The following UGT2B11 variants were observed in gnomAD, a reference collection of about 807,000 sequenced individuals.
UGT2B11 encodes the protein UDP glucuronosyltransferase family 2 member B11.
In UGT2B11, 49 loss-of-function variants were observed where a neutral mutation model predicts 51.7. The ratio of observed to expected loss-of-function variants is 0.95; its 90% CI spans 0.75 to 1.20. UGT2B11 has a LOEUF of 1.20. UGT2B11 is among the 50% of genes most tolerant of loss of function. UGT2B11 has a pLI of 0.00. For missense variants in UGT2B11, 810 were observed against 622.1 expected (o/e 1.30, Z -3.21); for synonymous variants, 273 against 209.0 (o/e 1.31, Z -2.64).
At chr4:69,218,854 G>T (rs977720223), upstream of UGT2B11, among the ~76,000 whole-genome samples, 1 of 152,142 alleles carries the variant, frequency 6.6e-6, no homozygotes, top group Non-Finnish European at 1.5e-5. Context: ...CCTGGATTTT[G>T]TCTGCAGCTC....
At chr4:69,224,935 T>C in the UGT2B11 span, among the ~76,000 whole-genome samples, 1 of 152,082 alleles carries the variant, frequency 6.6e-6, no homozygotes, top group African/African-American at 2.4e-5. Flanking sequence ...AATTAACATG[T>C]CTTAGATCTT....
At chr4:69,224,984 T>G in the UGT2B11 span, among the ~76,000 whole-genome samples, 159 of 152,330 alleles carry the variant, frequency 1.0e-3, no homozygotes, top group African/African-American at 3.8e-3. Flanking sequence ...TTATCTACTT[T>G]ATAACCTGGC....
chr4:69,208,204 T>C (rs867491471), intron 3 of UGT2B11, 147 bp downstream of exon 3: 3 of 1,475,280 alleles, frequency 2.0e-6, no homozygotes, highest in Non-Finnish European at 2.7e-6. Flanking sequence ...AACTATTACT[T>C]GTGTTGGTGG....
At chr4:69,222,485 T>C in the UGT2B11 span, among the ~76,000 whole-genome samples, 1 of 152,162 alleles carries the variant, frequency 6.6e-6, no homozygotes, top group Non-Finnish European at 1.5e-5. Context: ...TCTGAGTAAG[T>C]ATCCCAATGA....
chr4:69,223,757 TC>T, the UGT2B11 span, among the ~76,000 whole-genome samples: 1 of 152,072 alleles, frequency 6.6e-6, no homozygotes, highest in Non-Finnish European at 1.5e-5. Context: ...TGTCCCCACT[TC>T]CCATCAAAGG....
intron 5 of UGT2B11, among the ~76,000 whole-genome samples, chr4:69,202,970 G>A (rs566057301): frequency 4.6e-5 from 7 of 151,520 alleles, no homozygotes; most frequent in Non-Finnish European, 1.0e-4. Flanking sequence ...GGACTCCGCA[G>A]GTAATTTTTC....
chr4:69,209,430 A>G (rs1721977448), intron 2 of UGT2B11, among the ~76,000 whole-genome samples: 2 of 151,662 alleles, frequency 1.3e-5, no homozygotes, highest in Non-Finnish European at 3.0e-5. Context: ...ACACCACATT[A>G]CACTGCTGGT....
chr4:69,212,733 A>G lies in UGT2B11; in HGVS notation c.722-12T>C. On this transcript the variant is annotated splice_polypyrimidine_tract_variant and intron_variant, in intron 1 of 5. Coordinates refer to ENST00000446444, the MANE Select transcript of UGT2B11 (RefSeq NM_001073.3). ...GGTAGTGGGTCTTCCTGACAGGAAT[A>G]AAGAAAAGAAAAAGTGGATGATGTA... 1 of 1,593,622 alleles carries G rather than the reference A, an allele frequency of 6.3e-7. No homozygotes were observed. Among genetic ancestry groups the G allele is most frequent in the Non-Finnish European group, 8.5e-7 (1 of 1,173,858 alleles).
In UGT2B11 at chr4:69,214,625, T is replaced by C; in HGVS notation, c.98A>G (p.Tyr33Cys). Reference protein sequence around the residue: ...CGKVLVWAAEYSHWMNMKTIL... With the variant: ...CGKVLVWAAECSHWMNMKTIL... ...TGTCTTCATATTCATCCAATGGCTG[T>C]ATTCTGCGGCCCACACCAGCACTTT... is the stretch of plus-strand genomic sequence containing the variant. The change falls in exon 1 of 6, where the codon TAC (tyrosine) becomes TGC (cysteine). Residue 33 changes from tyrosine (Y) to cysteine (C), a missense_variant. Transcript: ENST00000446444. The C allele has an allele frequency of 6.2e-7, 1 of 1,613,272 alleles. No individual in the cohort carries two copies. Among genetic ancestry groups the C allele is most frequent in the Non-Finnish European group, 8.5e-7 (1 of 1,179,414 alleles).
upstream of UGT2B11, chr4:69,215,471 T>A (rs1722241339): frequency 6.6e-6 from 1 of 152,044 alleles, no homozygotes; most frequent in South Asian, 2.1e-4. Flanking sequence ...ACTTCATTTT[T>A]ATTGCCAAAT....
chr4:69,214,874 C>CAA, upstream of UGT2B11: 2 of 1,250,980 alleles, frequency 1.6e-6, no homozygotes, highest in Non-Finnish European at 2.2e-6. Context: ...AGGAGACAAA[C>CAA]AAAGTTCGAT....
intron 3 of UGT2B11, 44 bp downstream of exon 3, chr4:69,208,307 C>T (rs774568315): frequency 6.2e-7 from 1 of 1,604,930 alleles, no homozygotes; most frequent in African/African-American, 1.4e-5. Flanking sequence ...ACATTAACAG[C>T]CTCTTTCAGC....
At chr4:69,214,949 A>G (rs1722220187), upstream of UGT2B11, 1 of 653,850 alleles carries the variant, frequency 1.5e-6, no homozygotes, top group Admixed American at 3.5e-5. Flanking sequence ...TCATCCACCT[A>G]AGATTAATGA....
At chr4:69,221,247 T>G in the UGT2B11 span, among the ~76,000 whole-genome samples, 1 of 152,352 alleles carries the variant, frequency 6.6e-6, no homozygotes, top group African/African-American at 2.4e-5. Flanking sequence ...TAGTCTCCAC[T>G]GACTATTTGG....
upstream of UGT2B11, chr4:69,215,492 G>T (rs1288863673): frequency 6.6e-6 from 1 of 151,958 alleles, no homozygotes; most frequent in Non-Finnish European, 1.5e-5. Context: ...TGTATCAGAT[G>T]CTATTTATAA....
upstream of UGT2B11, among the ~76,000 whole-genome samples, chr4:69,217,464 G>A (rs757763358): frequency 7.2e-5 from 11 of 152,066 alleles, no homozygotes; most frequent in Non-Finnish European, 1.5e-4. Flanking sequence ...CATGCATTAT[G>A]TGTCACCCAG....
Position 69,200,311 on chromosome 4 carries a change from AATTTTTTT to A in UGT2B11, c.*121_*128del, listed in dbSNP as rs1039814239. 31 of 1,000,132 alleles carry A rather than the reference AATTTTTTT, an allele frequency of 3.1e-5. No homozygotes were observed. Among genetic ancestry groups the A allele is most frequent in the South Asian group, 9.5e-5 (3 of 31,504 alleles). 62.0% of individuals were successfully genotyped at this position (1,000,132 alleles called of 1,614,324 possible). On this transcript the variant is annotated 3_prime_UTR_variant, in exon 6 of 6. Coordinates refer to ENST00000446444, the MANE Select transcript of UGT2B11 (RefSeq NM_001073.3). ...TTTTACTTGACAAGGTAGATTTGAA[AATTTTTTT>A]TTTTTTTTTTTTTTTGTCACAGGAA...
chr4:69,214,485 A>T lies in UGT2B11; in HGVS notation c.238T>A (p.Ser80Thr). The T allele has an allele frequency of 6.2e-7, 1 of 1,613,252 alleles. No individual in the cohort carries two copies. ...STLKFEVYPTSLTKTEFENII... is the reference protein window; with the variant it reads ...STLKFEVYPTTLTKTEFENII... ...TTCTCAAATTCAGTTTTAGTTAAAG[A>T]TGTAGGATAAACTTCAAATTTAAGA... Residue 80 changes from serine (S) to threonine (T), a missense_variant, in exon 1 of 6, where the codon TCT (serine) becomes ACT (threonine). Transcript: ENST00000446444.
At chr4:69,214,876 A>C, upstream of UGT2B11, 2 of 1,193,466 alleles carry the variant, frequency 1.7e-6, no homozygotes, top group Non-Finnish European at 2.3e-6. Context: ...GAGACAAACA[A>C]AGTTCGATTA....
Sources: allele counts gnomAD v4.1 joint callset (sites outside exome capture counted in the v4.1 genomes callset), GRCh38; gene constraint gnomAD v4.1.1; transcripts MANE v1.5; gene names NCBI Gene and HGNC (gene_info 2026-07-23, HGNC 2026-07-21).